The following CARS2 variants were observed in gnomAD, a reference collection of about 807,000 sequenced individuals.
CARS2 encodes the protein cysteinyl-tRNA synthetase 2, mitochondrial, also known as probable cysteine--tRNA ligase, mitochondrial.
Under a neutral mutation model 68.8 loss-of-function variants are expected in CARS2, and 52 were observed. The ratio of observed to expected loss-of-function variants is 0.76; its 90% CI spans 0.61 to 0.95. CARS2 has a LOEUF of 0.95. CARS2 is among the 40% of genes least tolerant of loss of function. The pLI, the probability that CARS2 is intolerant of heterozygous loss-of-function variation, is 0.00. For missense variants in CARS2, 780 were observed against 754.2 expected (o/e 1.03, Z -0.40); for synonymous variants, 314 against 303.6 (o/e 1.03, Z -0.36).
Position 110,665,786 on chromosome 13 carries a change from A to G in CARS2, c.919+1554T>C. Reference sequence around the variant, plus strand: ...CAATCAGCCTCATCTATTTACTTTCATGAAGAAACCCAAGTGAACCCTGCT... The same window carrying G: ...CAATCAGCCTCATCTATTTACTTTCGTGAAGAAACCCAAGTGAACCCTGCT... On this transcript the variant is annotated intron_variant, in intron 8 of 14. Coordinates refer to ENST00000257347, the MANE Select transcript of CARS2 (RefSeq NM_024537.4). This position sits in a 1 kb window ranked among gnomAD's most constrained non-coding sequence, Gnocchi z 4.3. 1.0e-6 allele frequency: 1 copy of G among 985,406 alleles called. No individual in the cohort carries two copies. The highest frequency in any genetic ancestry group is 1.2e-6 in the Non-Finnish European group (1 of 829,926). 61.0% of individuals were successfully genotyped at this position (985,406 alleles called of 1,614,324 possible).
intron 13 of CARS2, 68 bp downstream of exon 13, chr13:110,644,317 A>G: frequency 1.4e-6 from 2 of 1,472,636 alleles, no homozygotes; most frequent in Non-Finnish European, 9.5e-7. Context: ...CCAAGTTAAA[A>G]GGGTAAAGGT....
chr13:110,648,837 A>G (rs1270407528), intron 10 of CARS2: 2 of 152,330 alleles, frequency 1.3e-5, no homozygotes, highest in South Asian at 2.1e-4. Context: ...GCACACAATT[A>G]GGACAGTCAT....
At chr13:110,660,858 T>C (rs2139737753) in intron 9 of CARS2, among the ~76,000 whole-genome samples, 2 of 149,736 alleles carry the variant, frequency 1.3e-5, no homozygotes, top group Middle Eastern at 3.5e-3. Context: ...GCCTCCCAGG[T>C]TCAAGTGATT....
chr13:110,676,214 C>T lies in CARS2; in HGVS notation c.785+760G>A, dbSNP rs946959480. 1.3e-5 allele frequency among the ~76,000 whole-genome samples: 2 copies of T among 152,202 alleles called. No homozygotes were observed. Among genetic ancestry groups the T allele is most frequent in the Non-Finnish European group, 2.9e-5 (2 of 68,026 alleles). On this transcript the variant is annotated intron_variant, in intron 7 of 14. Coordinates refer to ENST00000257347, the MANE Select transcript of CARS2 (RefSeq NM_024537.4). The surrounding 1 kb of genome is among the most constrained non-coding windows in gnomAD (Gnocchi z 4.0). ...GCGAGCCCCATGGGCAGCTGTGCAG[C>T]ACGGGGCACGGGCGGTATGCTGTCT... is the stretch of plus-strand genomic sequence containing the variant.
chr13:110,663,415 C>A (rs749287613), intron 9 of CARS2, 36 bp downstream of exon 9: 6 of 1,592,898 alleles, frequency 3.8e-6, no homozygotes, highest in Non-Finnish European at 5.1e-6. Context: ...CACAAGCTAT[C>A]GGCACCTCAG....
At chr13:110,663,595 G>A in intron 8 of CARS2, 77 bp from the exon 9 acceptor site, 1 of 1,573,552 alleles carries the variant, frequency 6.4e-7, no homozygotes, top group Non-Finnish European at 8.6e-7. Flanking sequence ...GGCTCCCCAG[G>A]AAACGAATGG....
intron 3 of CARS2, among the ~76,000 whole-genome samples, chr13:110,694,706 GT>G (rs2063570707): frequency 6.6e-6 from 1 of 152,112 alleles, no homozygotes; most frequent in African/African-American, 2.4e-5. Context: ...CCCCAGATTT[GT>G]TTAAAACCTG....
intron 9 of CARS2, among the ~76,000 whole-genome samples, chr13:110,655,534 G>A (rs1001141802): frequency 6.6e-6 from 1 of 152,220 alleles, no homozygotes; most frequent in African/African-American, 2.4e-5. Flanking sequence ...GTGTGTGAAG[G>A]GAAAGTGAGA....
chr13:110,643,226 G>C (rs1362177270), intron 13 of CARS2: 3 of 174,796 alleles, frequency 1.7e-5, no homozygotes, highest in Non-Finnish European at 3.7e-5. Flanking sequence ...AGGTGAATGA[G>C]ATATCTTTGA....
At chr13:110,673,624 A>C (rs1316190928) in intron 7 of CARS2, among the ~76,000 whole-genome samples, 1 of 152,142 alleles carries the variant, frequency 6.6e-6, no homozygotes, top group Non-Finnish European at 1.5e-5. Flanking sequence ...ATGGGCAAAA[A>C]CTGGAAGCAT....
chr13:110,710,504 T>A (rs1382328236), upstream of CARS2, among the ~76,000 whole-genome samples: 3 of 152,238 alleles, frequency 2.0e-5, no homozygotes, highest in Non-Finnish European at 2.9e-5. Context: ...TTCTTTTTAA[T>A]CCATTTGAAA....
intron 3 of CARS2, among the ~76,000 whole-genome samples, chr13:110,692,001 A>T (rs867606481): frequency 0.045 from 3,466 of 77,658 alleles, 30 homozygotes; most frequent in South Asian, 0.082. Flanking sequence ...AAAAAAAAAA[A>T]AAATATATAT....
intron 11 of CARS2, chr13:110,646,763 ACTT>A: frequency 4.0e-6 from 1 of 247,260 alleles, no homozygotes; most frequent in South Asian, 1.2e-4. Context: ...CCCCAGGCAC[ACTT>A]CCTGCCAGCG....
chr13:110,655,112 G>T (rs999823883), intron 9 of CARS2, among the ~76,000 whole-genome samples: 1 of 152,080 alleles, frequency 6.6e-6, no homozygotes, highest in African/African-American at 2.4e-5. Flanking sequence ...GAATGTGCCC[G>T]TATCTTCTGA....
At chr13:110,679,856 G>T (rs1465584133) in intron 6 of CARS2, among the ~76,000 whole-genome samples, 1 of 152,198 alleles carries the variant, frequency 6.6e-6, no homozygotes, top group African/African-American at 2.4e-5. Flanking sequence ...CAGCAAAAGA[G>T]GGGGCACGCC....
At chr13:110,672,152 T>TTGA (rs2062820029) in intron 7 of CARS2, among the ~76,000 whole-genome samples, 1 of 152,204 alleles carries the variant, frequency 6.6e-6, no homozygotes, top group Admixed American at 6.5e-5. Flanking sequence ...ATTAGACAGA[T>TTGA]CAATGAGACA....
At chr13:110,696,732 A>G (rs2063634186) in intron 3 of CARS2, among the ~76,000 whole-genome samples, 1 of 152,218 alleles carries the variant, frequency 6.6e-6, no homozygotes, top group African/African-American at 2.4e-5. Context: ...CAAGTTTTTC[A>G]TATTCTAATC....
chr13:110,710,170 C>T (rs2064015284), upstream of CARS2, among the ~76,000 whole-genome samples: 1 of 152,190 alleles, frequency 6.6e-6, no homozygotes, highest in South Asian at 2.1e-4. Context: ...CACCTGAGGT[C>T]AGGAGTTCGA....
At chr13:110,713,004 G>C (rs1347778911) in intron 1 of CARS2, 1 of 1,540,688 alleles carries the variant, frequency 6.5e-7, no homozygotes, top group Non-Finnish European at 8.7e-7. Context: ...CTCTGCGGCC[G>C]CAGCTCAAAG....
Sources: allele counts gnomAD v4.1 joint callset (sites outside exome capture counted in the v4.1 genomes callset), GRCh38; gene constraint gnomAD v4.1.1; non-coding constraint Gnocchi (gnomAD v3.1); transcripts MANE v1.5; gene names NCBI Gene and HGNC (gene_info 2026-07-23, HGNC 2026-07-21).